GPC5: variants seen among roughly 807,000 people sequenced by gnomAD.
GPC5 encodes the protein glypican-5.
GPC5 carries 47 observed loss-of-function variants against 53.9 expected under a neutral mutation model. The observed-to-expected ratio is 0.87, with a 90% CI of 0.69 to 1.11. The LOEUF is 1.11. GPC5 is among the 50% of genes most tolerant of loss of function. GPC5 has a pLI of 0.00. For missense variants in GPC5, 748 were observed against 713.1 expected, an observed-to-expected ratio of 1.05 and a Z score of -0.56; for synonymous variants, 286 against 263.3, an observed-to-expected ratio of 1.09 and a Z score of -0.84.
intron 2 of GPC5, among the ~76,000 whole-genome samples, chr13:91,642,944 A>G (rs993571871): frequency 1.3e-5 from 2 of 152,188 alleles, no homozygotes; most frequent in African/African-American, 4.8e-5. Flanking sequence ...AATCAGAATC[A>G]TGGTGGCAGA....
intron 6 of GPC5, among the ~76,000 whole-genome samples, chr13:91,927,860 G>T: frequency 6.6e-6 from 1 of 152,098 alleles, no homozygotes; most frequent in East Asian, 1.9e-4. Flanking sequence ...TGGAGTCATT[G>T]GGAAAATGGA....
chr13:92,542,792 C>G (rs1481048386), intron 7 of GPC5, among the ~76,000 whole-genome samples: 2 of 151,954 alleles, frequency 1.3e-5, no homozygotes, highest in East Asian at 3.9e-4. Flanking sequence ...GCTTTCAGTA[C>G]TTTAAATATA....
intron 2 of GPC5, among the ~76,000 whole-genome samples, chr13:91,488,226 G>A (rs984468290): frequency 2.0e-5 from 3 of 152,144 alleles, no homozygotes; most frequent in Admixed American, 1.3e-4. Context: ...CTGATGTTCT[G>A]TATTTTAGGG....
In GPC5 at chr13:91,791,677, T is replaced by C. The variant is rs73617819; in HGVS notation, c.1280+35257T>C. Reference sequence around the variant, plus strand: ...ATGTTTAATTACATCAACAATTGTATGAGGCAGCTCTCCGTTGTAAAATTG... The same window carrying C: ...ATGTTTAATTACATCAACAATTGTACGAGGCAGCTCTCCGTTGTAAAATTG... On this transcript the variant is annotated intron_variant, in intron 5 of 7. Transcript: ENST00000377067. 1.5e-3 allele frequency among the ~76,000 whole-genome samples: 232 copies of C among 152,136 alleles called. 1 individual carries two copies. The highest frequency in any genetic ancestry group is 5.4e-3 in the African/African-American group (224 of 41,492).
At chr13:92,058,523 T>C (rs540616128) in intron 6 of GPC5, among the ~76,000 whole-genome samples, 2 of 152,320 alleles carry the variant, frequency 1.3e-5, no homozygotes, top group East Asian at 3.9e-4. Flanking sequence ...CTCACTGTTA[T>C]CACTCAAAGT....
intron 7 of GPC5, among the ~76,000 whole-genome samples, chr13:92,756,545 C>G (rs1307488605): frequency 6.6e-6 from 1 of 152,000 alleles, no homozygotes; most frequent in East Asian, 1.9e-4. Context: ...CAAATTGTCC[C>G]TGTTTGCAGA....
intron 7 of GPC5, among the ~76,000 whole-genome samples, chr13:92,249,261 T>C (rs17427799): frequency 0.018 from 2,739 of 152,272 alleles, 30 homozygotes; most frequent in Non-Finnish European, 0.027. Flanking sequence ...CTGCCTGATA[T>C]GGCCTCCTAG....
intron 3 of GPC5, among the ~76,000 whole-genome samples, chr13:91,702,189 A>G: frequency 6.6e-6 from 1 of 152,076 alleles, no homozygotes; most frequent in Middle Eastern, 3.2e-3. Context: ...TATTTTGGCT[A>G]TGAAGCCCTT....
intron 7 of GPC5, among the ~76,000 whole-genome samples, chr13:92,552,150 T>C (rs1399104930): frequency 6.6e-6 from 1 of 151,880 alleles, no homozygotes; most frequent in East Asian, 1.9e-4. Context: ...AATACTAATT[T>C]AAAGTAAGTG....
rs532278497 is a variant in GPC5, at chr13:92,275,331, A to G, written c.1561+130342A>G. Reference sequence around the variant, plus strand: ...GAGCAATGTGAGCATCGCCACAGATATGCAAAATCCATTTAAAGGATTTCA... The same window carrying G: ...GAGCAATGTGAGCATCGCCACAGATGTGCAAAATCCATTTAAAGGATTTCA... On this transcript the variant is annotated intron_variant, in intron 7 of 7. Coordinates refer to ENST00000377067, the MANE Select transcript of GPC5 (RefSeq NM_004466.6). Among the ~76,000 whole-genome samples, 10 of 152,320 alleles carry G rather than the reference A, an allele frequency of 6.6e-5. No individual in the cohort carries two copies. In the South Asian group the frequency reaches 1.9e-3, roughly 28 times the overall value.
chr13:92,703,109 C>T (rs1441998242), intron 7 of GPC5, among the ~76,000 whole-genome samples: 7 of 150,680 alleles, frequency 4.6e-5, no homozygotes, highest in Non-Finnish European at 8.8e-5. Context: ...TTACCACCTT[C>T]GAATGCACTA....
chr13:92,132,513 G>A (rs2041752667), intron 6 of GPC5, among the ~76,000 whole-genome samples: 1 of 152,100 alleles, frequency 6.6e-6, no homozygotes, highest in Non-Finnish European at 1.5e-5. Flanking sequence ...AGGTTCTGGT[G>A]GTTTGCTGGA....
intron 7 of GPC5, among the ~76,000 whole-genome samples, chr13:92,412,229 TG>T (rs150707500): frequency 0.057 from 8,741 of 152,260 alleles, 284 homozygotes; most frequent in Admixed American, 0.092. Context: ...AAAAGAACAT[TG>T]AATTCATTGG....
chr13:91,616,342 A>T (rs1322515283), intron 2 of GPC5, among the ~76,000 whole-genome samples: 1 of 152,128 alleles, frequency 6.6e-6, no homozygotes, highest in Non-Finnish European at 1.5e-5. Flanking sequence ...TGGCTCTAGA[A>T]ACAGTATCTA....
intron 7 of GPC5, among the ~76,000 whole-genome samples, chr13:92,286,207 A>G (rs1435001965): frequency 6.6e-6 from 1 of 152,212 alleles, no homozygotes; most frequent in Non-Finnish European, 1.5e-5. Context: ...CACCAGTTAG[A>G]ATGGTGATCA....
chr13:92,866,171 A>G, intron 7 of GPC5, 111 bp from the exon 8 acceptor site: 2 of 814,052 alleles, frequency 2.5e-6, no homozygotes, highest in Non-Finnish European at 3.6e-6. Flanking sequence ...GTGAACATAG[A>G]GAATGGTCCC....
chr13:91,520,960 T>C (rs748252938), intron 2 of GPC5, among the ~76,000 whole-genome samples: 9 of 152,174 alleles, frequency 5.9e-5, no homozygotes, highest in Non-Finnish European at 2.9e-5. Flanking sequence ...GGCATTTCAA[T>C]TGCCTTTGGT....
At chr13:92,182,202 G>A (rs1383181870) in intron 7 of GPC5, among the ~76,000 whole-genome samples, 1 of 152,142 alleles carries the variant, frequency 6.6e-6, no homozygotes, top group African/African-American at 2.4e-5. Flanking sequence ...TTACCTCCCT[G>A]ATTATTCCTC....
At chr13:92,518,157 G>A (rs1259504508) in intron 7 of GPC5, among the ~76,000 whole-genome samples, 1 of 152,172 alleles carries the variant, frequency 6.6e-6, no homozygotes, top group East Asian at 1.9e-4. Flanking sequence ...TCTGATTGTT[G>A]TCCCTGAAAG....
Sources: gnomAD v4.1 joint callset for allele counts (sites outside exome capture counted in the v4.1 genomes callset) on GRCh38, gnomAD v4.1.1 for gene constraint, MANE v1.5 for transcripts, NCBI Gene and HGNC (gene_info 2026-07-23, HGNC 2026-07-21) for gene names.